The following TIMM44 variants were observed in gnomAD, a reference collection of about 807,000 sequenced individuals.
TIMM44 encodes the protein translocase of inner mitochondrial membrane 44.
TIMM44 carries 37 observed loss-of-function variants against 63.8 expected under a neutral mutation model. That is an observed-to-expected ratio of 0.58 (90% CI 0.45 to 0.76). TIMM44 has a LOEUF of 0.76. TIMM44 is among the 30% of genes least tolerant of loss of function. TIMM44 has a pLI of 0.00. For missense variants in TIMM44, 573 were observed against 603.8 expected, an observed-to-expected ratio of 0.95 and a Z score of 0.54; for synonymous variants, 239 against 245.1, an observed-to-expected ratio of 0.98 and a Z score of 0.23.
rs1983879530 is a variant in TIMM44, at chr19:7,928,370, ACT to A, written c.1039-206_1039-205del. 1.7e-5 allele frequency: 10 copies of A among 586,434 alleles called. No individual in the cohort carries two copies. The South Asian group carries it at 2.1e-4, about 12-fold the overall frequency. 36.3% of individuals were successfully genotyped at this position (586,434 alleles called of 1,614,324 possible). A position where few individuals can be genotyped will look rare whatever the true frequency, so the allele number is the denominator to read the frequency against. On this transcript the variant is annotated intron_variant, in intron 10 of 12. Coordinates refer to ENST00000270538, the MANE Select transcript of TIMM44 (RefSeq NM_006351.4). ...CACGCTTCCCACTCCTGGGAACAAC[ACT>A]CTATCCAGATGACCCAATGAAAACA...
chr19:7,941,776 G>A (rs1321118318), intron 1 of TIMM44, among the ~76,000 whole-genome samples: 1 of 151,974 alleles, frequency 6.6e-6, no homozygotes, highest in Admixed American at 6.6e-5. Context: ...GCCAACCCAT[G>A]GGGGGAAGAA....
intron 3 of TIMM44, 149 bp downstream of exon 3, chr19:7,937,878 C>T (rs757564612): frequency 6.1e-5 from 55 of 896,884 alleles, no homozygotes; most frequent in Middle Eastern, 6.1e-4. Flanking sequence ...ATTAGCTGGG[C>T]GTGGTGGTGC....
In TIMM44 at chr19:7,935,116, C is replaced by T. The variant is rs11542189; in HGVS notation, c.342G>A (p.Thr114=). 118,409 of 1,612,284 alleles carry T rather than the reference C, an allele frequency of 0.073. 4,773 individuals carry two copies. The highest frequency in any genetic ancestry group is 0.16 in the African/African-American group (11,850 of 74,592). The change falls in exon 4 of 13, where the codon ACG becomes ACA. Residue 114 remains threonine (T), a synonymous_variant. Transcript: ENST00000270538. ...CAAGCTTCTTCCGTAGCACCTCGCT[C>T]GTCCGCACGGTTTCTGACTCGATGG... ...YKTIESETVR[T]SEVLRKKLGE... is the part of the protein sequence containing the mutation.
At chr19:7,927,606 C>G (rs1219244748) in intron 12 of TIMM44, 51 bp downstream of exon 12, 1 of 1,560,990 alleles carries the variant, frequency 6.4e-7, no homozygotes, top group South Asian at 1.1e-5. Context: ...ACACACAGAT[C>G]TTGGGGACAG....
At position 7,933,054 on chromosome 19, in the gene TIMM44, G is replaced by A. The variant is rs979071385; in HGVS notation, c.770-122C>T. On this transcript the variant is annotated intron_variant, in intron 7 of 12. Transcript: ENST00000270538. This position sits in a 1 kb window ranked among gnomAD's most constrained non-coding sequence, Gnocchi z 4.3. ...CCACCCTGACACGGGTGGGGTCAGG[G>A]AGGGGACGGCTGTGGACCTGCATCC... The A allele has an allele frequency of 5.0e-6, 4 of 805,716 alleles. No homozygotes were observed. The highest frequency in any genetic ancestry group is 1.7e-5 in the African/African-American group (1 of 58,900). The allele number at this position is 805,716 out of a possible 1,614,324, so 49.9% of individuals were successfully genotyped here.
chr19:7,935,673 C>A (rs946877578), intron 3 of TIMM44, among the ~76,000 whole-genome samples: 1 of 152,324 alleles, frequency 6.6e-6, no homozygotes, highest in Non-Finnish European at 1.5e-5. Flanking sequence ...AGACTCGGGT[C>A]CCCGCTTGGC....
chr19:7,931,032 T>A, intron 10 of TIMM44, 106 bp downstream of exon 10: 1 of 1,013,056 alleles, frequency 9.9e-7, no homozygotes, highest in Non-Finnish European at 1.5e-6. Context: ...GGAGCCCAGG[T>A]CCTGCCTGTT....
At chr19:7,935,234 C>G in intron 3 of TIMM44, 89 bp from the exon 4 acceptor site, 1 of 1,170,510 alleles carries the variant, frequency 8.5e-7, no homozygotes, top group Non-Finnish European at 1.2e-6. Flanking sequence ...GGCACGCTCT[C>G]GGCTCACTGC....
chr19:7,942,799 T>G (rs1004774376), intron 1 of TIMM44, among the ~76,000 whole-genome samples: 2 of 151,642 alleles, frequency 1.3e-5, no homozygotes, highest in Admixed American at 1.3e-4. Context: ...TAGTTGGGAT[T>G]ACAGGAGCGC....
chr19:7,937,329 A>C (rs966476396), intron 3 of TIMM44, among the ~76,000 whole-genome samples: 8 of 152,212 alleles, frequency 5.3e-5, no homozygotes, highest in Admixed American at 5.2e-4. Context: ...ACCAGGCTCC[A>C]CTCAGAGGGC....
At chr19:7,928,615 G>C (rs1053328546) in intron 10 of TIMM44, 1 of 157,126 alleles carries the variant, frequency 6.4e-6, no homozygotes. Context: ...CCCTGCGCCT[G>C]TGCCAGGCAC....
In TIMM44 at chr19:7,932,881, C is replaced by T. The variant is rs780589464; in HGVS notation, c.821G>A (p.Arg274Gln). The T allele has an allele frequency of 3.7e-6, 6 of 1,614,212 alleles. No individual in the cohort carries two copies. The highest frequency in any genetic ancestry group is 2.2e-5 in the South Asian group (2 of 91,092). ...CTTGTCCGTAAGGGCCCGGGATGCC[C>T]GGATGAACGCGTTGTCGCTTTCGTC... Reference protein sequence around the residue: ...KYDESDNAFIRASRALTDKVT... With the variant: ...KYDESDNAFIQASRALTDKVT... Residue 274 changes from arginine (R) to glutamine (Q), a missense_variant, in exon 8 of 13, where the codon CGG becomes CAG. Coordinates refer to ENST00000270538, the MANE Select transcript of TIMM44 (RefSeq NM_006351.4).
intron 10 of TIMM44, 105 bp from the exon 11 acceptor site, chr19:7,928,271 G>A: frequency 2.1e-6 from 2 of 958,206 alleles, no homozygotes; most frequent in Non-Finnish European, 3.2e-6. Flanking sequence ...CCTGCCGCCA[G>A]CCAGCAATGG....
chr19:7,934,416 C>T lies in TIMM44; in HGVS notation c.394-178G>A, dbSNP rs997741607. 2.0e-5 allele frequency among the ~76,000 whole-genome samples: 3 copies of T among 151,242 alleles called. No homozygotes were observed. Among genetic ancestry groups the T allele is most frequent in the Admixed American group, 1.3e-4 (2 of 15,212 alleles). ...CAGAGCCATGAGCACAACGGCACCC[C>T]CAGAGCCACGAGCACACCGCCACCC... On this transcript the variant is annotated intron_variant, in intron 4 of 12. Transcript: ENST00000270538. The surrounding 1 kb of genome is among the most constrained non-coding windows in gnomAD (Gnocchi z 5.3).
At chr19:7,939,194 T>C (rs1001807507) in intron 2 of TIMM44, among the ~76,000 whole-genome samples, 1 of 152,072 alleles carries the variant, frequency 6.6e-6, no homozygotes, top group Non-Finnish European at 1.5e-5. Context: ...TGCTCCACAC[T>C]AATGCAGGAC....
At position 7,934,242 on chromosome 19, in the gene TIMM44, C is replaced by G; in HGVS notation, c.394-4G>C. 6.2e-7 allele frequency: 1 copy of G among 1,611,334 alleles called. No individual in the cohort carries two copies. The highest frequency in any genetic ancestry group is 8.5e-7 in the Non-Finnish European group (1 of 1,179,958). On this transcript the variant is annotated splice_region_variant and splice_polypyrimidine_tract_variant and intron_variant, in intron 4 of 12. Transcript: ENST00000270538. This position sits in a 1 kb window ranked among gnomAD's most constrained non-coding sequence, Gnocchi z 5.3. ...TTTTACTGACTTCGTGAAGGCTCTA[C>G]TGAGACAGACACAGAGAGGGGGCGT... is the stretch of plus-strand genomic sequence containing the variant.
At chr19:7,932,440 G>T in intron 9 of TIMM44, 187 bp downstream of exon 9, 1 of 744,466 alleles carries the variant, frequency 1.3e-6, no homozygotes, top group Non-Finnish European at 2.2e-6. Flanking sequence ...GTAAGGCCCA[G>T]GAAGGGCTTC....
Position 7,932,897 on chromosome 19 carries a change from C to T in TIMM44, c.805G>A (p.Asp269Asn), listed in dbSNP as rs762863776. The T allele has an allele frequency of 6.8e-6, 11 of 1,614,192 alleles. No individual in the cohort carries two copies. The East Asian group carries it at 1.8e-4, about 26-fold the overall frequency. ...FEMKMKYDES[D>N]NAFIRASRAL... ...CGGGATGCCCGGATGAACGCGTTGT[C>T]GCTTTCGTCATACTTCATCTTCATC... The change falls in exon 8 of 13, where the codon GAC becomes AAC. Residue 269 changes from aspartate (D) to asparagine (N), a missense_variant. By Grantham distance (23) the Asp-to-Asn change is conservative. Transcript: ENST00000270538.
At chr19:7,932,395 T>G in intron 9 of TIMM44, 6 of 570,692 alleles carry the variant, frequency 1.1e-5, no homozygotes, top group Admixed American at 3.1e-5. Context: ...GCAGGAGGAG[T>G]GAGGGAAACA....
Sources: gnomAD v4.1 joint callset for allele counts (sites outside exome capture counted in the v4.1 genomes callset) on GRCh38, gnomAD v4.1.1 for gene constraint, Gnocchi (gnomAD v3.1) non-coding constraint, MANE v1.5 for transcripts, NCBI Gene and HGNC (gene_info 2026-07-23, HGNC 2026-07-21) for gene names.